The following CHRAC1 variants were observed in gnomAD, a reference collection of about 807,000 sequenced individuals.
The protein encoded by CHRAC1 is chromatin accessibility complex protein 1.
CHRAC1 carries 6 observed loss-of-function variants against 9.1 expected under a neutral mutation model. That is an observed-to-expected ratio of 0.66 (90% confidence interval 0.36 to 1.29). The LOEUF is 1.29. CHRAC1 is among the 50% of genes most tolerant of loss of function. CHRAC1 has a pLI of 0.03. For missense variants in CHRAC1, 168 were observed against 163.5 expected (o/e 1.03, Z -0.15); for synonymous variants, 73 against 64.5 (o/e 1.13, Z -0.63).
intron 1 of CHRAC1, among the ~76,000 whole-genome samples, chr8:140,512,326 C>T (rs979534497): frequency 1.3e-5 from 2 of 152,230 alleles, no homozygotes; most frequent in African/African-American, 4.8e-5. Flanking sequence ...GCGGTGCCAG[C>T]TCCAGCGGTC....
chr8:140,514,691 T>G, intron 2 of CHRAC1, 196 bp downstream of exon 2: 1 of 473,744 alleles, frequency 2.1e-6, no homozygotes, highest in Non-Finnish European at 3.7e-6. Context: ...GTGGTCCACC[T>G]AGAACAATAG....
rs185566833 is a variant in CHRAC1 at position 140,514,149 on chromosome 8, G to C, written c.148-220G>C. ...TCAAACTCCTGACCTCAAGTGAGCC[G>C]CCTGCCTCAGCCTCCCAAAGTGTTA... On this transcript the variant is annotated intron_variant, in intron 1 of 2. Transcript: ENST00000220913. 4 of 368,668 alleles carry C rather than the reference G, an allele frequency of 1.1e-5. No homozygotes were observed. In the East Asian group the frequency reaches 3.1e-4, roughly 28 times the overall value. 22.8% of individuals were successfully genotyped at this position (368,668 alleles called of 1,614,324 possible).
chr8:140,512,201 G>T (rs967165956), intron 1 of CHRAC1, among the ~76,000 whole-genome samples: 2 of 152,092 alleles, frequency 1.3e-5, no homozygotes, highest in East Asian at 1.9e-4. Context: ...CTCCCGGCCT[G>T]CCTTTTTCTT....
chr8:140,513,134 A>G (rs963453099), intron 1 of CHRAC1, among the ~76,000 whole-genome samples: 1 of 152,000 alleles, frequency 6.6e-6, no homozygotes, highest in Admixed American at 6.6e-5. Context: ...TCCCTTATTA[A>G]CTGAACTAGA....
At position 140,511,973 on chromosome 8, in the gene CHRAC1, G is replaced by A. The variant is rs1230209036; in HGVS notation, c.147+327G>A. On this transcript the variant is annotated intron_variant, in intron 1 of 2. Transcript: ENST00000220913. ...TTCCTTCCGTGCGCACCTTCGCCCC[G>A]CCCACCCCACTGTCCTCCCGCCGTT... 5.5e-5 allele frequency: 38 copies of A among 696,796 alleles called. No homozygotes were observed. The African/African-American group carries it at 7.5e-4, about 14-fold the overall frequency. The allele number at this position is 696,796 out of a possible 1,614,324, so 43.2% of individuals were successfully genotyped here.
chr8:140,511,697 C>A, intron 1 of CHRAC1, 51 bp downstream of exon 1: 1 of 1,281,600 alleles, frequency 7.8e-7, no homozygotes, highest in Non-Finnish European at 9.9e-7. Context: ...CGCGCCCCGC[C>A]CCGCCGGGCT....
rs538526411 is a variant in CHRAC1 at position 140,515,924 on chromosome 8, A to G, written c.*677A>G. Reference sequence around the variant, plus strand: ...ATTCCCACAGAAAAATTCCAAGTCAAATTATCAAATCAAATACAAAAATAA... The same window carrying G: ...ATTCCCACAGAAAAATTCCAAGTCAGATTATCAAATCAAATACAAAAATAA... On this transcript the variant is annotated 3_prime_UTR_variant, in exon 3 of 3. Coordinates refer to ENST00000220913, the MANE Select transcript of CHRAC1 (RefSeq NM_017444.6). 5 of 152,324 alleles carry G rather than the reference A, an allele frequency of 3.3e-5. No homozygotes were observed. Among genetic ancestry groups the G allele is most frequent in the East Asian group, 1.9e-4 (1 of 5,190 alleles). The allele number at this position is 152,324 out of a possible 1,614,324, so 9.4% of individuals were successfully genotyped here. A position where few individuals can be genotyped will look rare whatever the true frequency, so the allele number is the denominator to read the frequency against.
rs768182115 is a variant in CHRAC1, at chr8:140,515,110, G to A, written c.275-16G>A. The stretch of plus-strand genomic sequence containing the variant: ...CTACCATAACCAATTGCTGATGTAC[G>A]CTTTATGTTTTTAAGATATATTACC... On this transcript the variant is annotated splice_polypyrimidine_tract_variant and intron_variant, in intron 2 of 2. Transcript: ENST00000220913. 2.9e-5 allele frequency: 47 copies of A among 1,608,116 alleles called. 1 individual carries two copies. In the South Asian group the frequency reaches 4.3e-4, roughly 15 times the overall value.
intron 1 of CHRAC1, 34 bp downstream of exon 1, chr8:140,511,680 T>G: frequency 7.7e-7 from 1 of 1,299,168 alleles, no homozygotes; most frequent in South Asian, 2.5e-5. Flanking sequence ...GGGCCGCCCT[T>G]ACCCCTCGCG....
chr8:140,512,792 G>A (rs2072293379), intron 1 of CHRAC1, among the ~76,000 whole-genome samples: 1 of 152,178 alleles, frequency 6.6e-6, no homozygotes, highest in Non-Finnish European at 1.5e-5. Flanking sequence ...CATTCTATTG[G>A]TATTAAGGAA....
chr8:140,514,427 A>C lies in CHRAC1; in HGVS notation c.206A>C (p.Lys69Thr). Residue 69 changes from lysine (K) to threonine (T), a missense_variant, in exon 2 of 3, where the codon AAG becomes ACG. Physicochemically the swap from Lys to Thr is moderately conservative, Grantham distance 78 (BLOSUM62 -1). Transcript: ENST00000220913. ...TACAGACACGGCAGTGGAAAGGAAA[A>C]GAAAGTACTGACTTACAGTGATTTA... ...YSYRHGSGKE[K>T]KVLTYSDLAN... is the part of the protein sequence containing the mutation. 6.3e-7 allele frequency: 1 copy of C among 1,588,474 alleles called. No individual in the cohort carries two copies. Among genetic ancestry groups the C allele is most frequent in the Non-Finnish European group, 8.5e-7 (1 of 1,172,900 alleles).
intron 1 of CHRAC1, among the ~76,000 whole-genome samples, chr8:140,513,499 G>C (rs181347579): frequency 0.014 from 2,129 of 151,612 alleles, 54 homozygotes; most frequent in African/African-American, 0.049. Context: ...GCAGTGGCGC[G>C]ATCTCGGCTC....
chr8:140,514,660 CTGTTTGAATG>C lies in CHRAC1; in HGVS notation c.274+172_274+181del. On this transcript the variant is annotated intron_variant, in intron 2 of 2. Transcript: ENST00000220913. ...CACAGGAAGATACTTTTAGTCTTCT[CTGTTTGAATG>C]TGTTTGTCATGTGGTCCACCTAGAA... The C allele has an allele frequency of 9.4e-6, 5 of 531,822 alleles. No individual in the cohort carries two copies. In the Middle Eastern group the frequency reaches 2.0e-3, roughly 210 times the overall value. 32.9% of individuals were successfully genotyped at this position (531,822 alleles called of 1,614,324 possible).
At position 140,515,831 on chromosome 8, in the gene CHRAC1, T is replaced by C. The variant is rs1246300652; in HGVS notation, c.*584T>C. 2 of 152,248 alleles carry C rather than the reference T, an allele frequency of 1.3e-5. No individual in the cohort carries two copies. The highest frequency in any genetic ancestry group is 4.8e-5 in the African/African-American group (2 of 41,468). 9.4% of individuals were successfully genotyped at this position (152,248 alleles called of 1,614,324 possible). ...ATGGAACTAGTTTTAGAGCCCTCTATGGCTTTAAGGCCTTGCTTACTGCCT... is the reference window on the plus strand; with the variant it reads ...ATGGAACTAGTTTTAGAGCCCTCTACGGCTTTAAGGCCTTGCTTACTGCCT... On this transcript the variant is annotated 3_prime_UTR_variant, in exon 3 of 3. Transcript: ENST00000220913.
intron 2 of CHRAC1, chr8:140,514,735 C>A: frequency 2.5e-6 from 1 of 403,750 alleles, no homozygotes; most frequent in East Asian, 5.2e-5. Context: ...TGTTGGTTGG[C>A]CGCGTATGCT....
Position 140,511,661 on chromosome 8 carries a change from C to G in CHRAC1, c.147+15C>G, listed in dbSNP as rs758443510. 6.7e-5 allele frequency: 92 copies of G among 1,376,780 alleles called. No individual in the cohort carries two copies. The highest frequency in any genetic ancestry group is 2.3e-4 in the Middle Eastern group (1 of 4,408). The allele number at this position is 1,376,780 out of a possible 1,614,324, so 85.3% of individuals were successfully genotyped here. ...CCAAGGCCACGGTGAGGGGGCAGGGCGGGGGTGTGGGCCGCCCTTACCCCT... is the reference window on the plus strand; with the variant it reads ...CCAAGGCCACGGTGAGGGGGCAGGGGGGGGGTGTGGGCCGCCCTTACCCCT... On this transcript the variant is annotated intron_variant, in intron 1 of 2. Transcript: ENST00000220913.
At position 140,516,626 on chromosome 8, in the gene CHRAC1, C is replaced by A. The variant is rs572247155; in HGVS notation, c.*1379C>A. On this transcript the variant is annotated 3_prime_UTR_variant, in exon 3 of 3. Coordinates refer to ENST00000220913, the MANE Select transcript of CHRAC1 (RefSeq NM_017444.6). The stretch of plus-strand genomic sequence containing the variant: ...TCCTCTGTTCCTCTCTTCTCCTGCC[C>A]CCTAGCAACCACTGGTGTTTTCTGT... The A allele has an allele frequency of 2.0e-5, 3 of 152,244 alleles. No individual in the cohort carries two copies. Among genetic ancestry groups the A allele is most frequent in the East Asian group, 3.9e-4 (2 of 5,188 alleles). The allele number at this position is 152,244 out of a possible 1,614,324, so 9.4% of individuals were successfully genotyped here. A position where few individuals can be genotyped will look rare whatever the true frequency, so the allele number is the denominator to read the frequency against.
chr8:140,514,929 T>C, intron 2 of CHRAC1, 197 bp from the exon 3 acceptor site: 1 of 518,650 alleles, frequency 1.9e-6, no homozygotes, highest in Non-Finnish European at 3.5e-6. Context: ...CTCATTGGAC[T>C]GGAAAGAGGC....
chr8:140,513,989 C>G (rs1045698181), intron 1 of CHRAC1, among the ~76,000 whole-genome samples: 5 of 146,774 alleles, frequency 3.4e-5, no homozygotes, highest in African/African-American at 1.3e-4. Context: ...AATCTCCAAC[C>G]TCCACCTCCC....
Sources: gnomAD v4.1 joint callset for allele counts (sites outside exome capture counted in the v4.1 genomes callset) on GRCh38, gnomAD v4.1.1 for gene constraint, MANE v1.5 for transcripts, NCBI Gene and HGNC (gene_info 2026-07-23, HGNC 2026-07-21) for gene names.